The following PRKG1 variants were observed in gnomAD, a reference collection of about 807,000 sequenced individuals.
PRKG1 encodes the protein protein kinase cGMP-dependent 1.
In PRKG1, 35 loss-of-function variants were observed where a neutral mutation model predicts 88.1. That is an observed-to-expected ratio of 0.40 (90% CI 0.30 to 0.53). The LOEUF is 0.53. Ranked by LOEUF, PRKG1 falls within the 20% of genes least tolerant of loss-of-function variation. The pLI is 0.59. For synonymous variants in PRKG1, 303 were observed against 292.5 expected (o/e 1.04, Z -0.37); for missense variants, 540 against 839.8 (o/e 0.64, Z 4.41).
At chr10:51,427,877 A>G (rs1838637160) in intron 2 of PRKG1, among the ~76,000 whole-genome samples, 1 of 152,208 alleles carries the variant, frequency 6.6e-6, no homozygotes, top group East Asian at 1.9e-4. Flanking sequence ...GAAGAATATC[A>G]TAAACACCAG....
At chr10:51,766,905 C>T (rs1446375674) in intron 3 of PRKG1, among the ~76,000 whole-genome samples, 1 of 152,096 alleles carries the variant, frequency 6.6e-6, no homozygotes, top group East Asian at 1.9e-4. Context: ...GGACTGACAC[C>T]CTTTCTCTGC....
intron 7 of PRKG1, among the ~76,000 whole-genome samples, chr10:52,080,663 TC>T (rs1206606111): frequency 1.3e-5 from 2 of 152,194 alleles, no homozygotes; most frequent in Non-Finnish European, 2.9e-5. Flanking sequence ...TATTTTTTAA[TC>T]TTAAATTGCT....
At chr10:51,821,038 A>G (rs1839731226) in intron 4 of PRKG1, among the ~76,000 whole-genome samples, 2 of 152,286 alleles carry the variant, frequency 1.3e-5, no homozygotes, top group East Asian at 1.9e-4. Context: ...GGTAACCACT[A>G]TTCTGAGTTC....
chr10:51,022,988 G>A (rs1229016200), intron 1 of PRKG1, among the ~76,000 whole-genome samples: 2 of 152,114 alleles, frequency 1.3e-5, no homozygotes, highest in Non-Finnish European at 2.9e-5. Flanking sequence ...CAATAGCGAA[G>A]CTCCGTCTCA....
At chr10:51,946,606 C>A (rs1843041281) in intron 5 of PRKG1, among the ~76,000 whole-genome samples, 1 of 151,950 alleles carries the variant, frequency 6.6e-6, no homozygotes, top group Non-Finnish European at 1.5e-5. Flanking sequence ...TACTTTTGGT[C>A]TTTGATGATG....
At chr10:52,198,699 G>A (rs1448476124) in intron 9 of PRKG1, among the ~76,000 whole-genome samples, 1 of 152,032 alleles carries the variant, frequency 6.6e-6, no homozygotes, top group Non-Finnish European at 1.5e-5. Flanking sequence ...TGTAGGTTCT[G>A]GAGGAGAATC....
chr10:51,844,863 A>G (rs892164215), intron 4 of PRKG1, among the ~76,000 whole-genome samples: 2 of 152,182 alleles, frequency 1.3e-5, no homozygotes, highest in African/African-American at 4.8e-5. Flanking sequence ...ATGCTGAGAA[A>G]GTTGCCTTGC....
chr10:51,156,106 T>C (rs1228333720), intron 2 of PRKG1, among the ~76,000 whole-genome samples: 1 of 151,908 alleles, frequency 6.6e-6, no homozygotes, highest in Non-Finnish European at 1.5e-5. Context: ...CAGCTGCAAA[T>C]TTACTAACCC....
At chr10:51,649,832 G>C (rs1839997141) in intron 3 of PRKG1, among the ~76,000 whole-genome samples, 2 of 152,168 alleles carry the variant, frequency 1.3e-5, no homozygotes, top group South Asian at 4.1e-4. Context: ...TAACTGAAGT[G>C]GTAGCCCGCA....
At chr10:51,889,462 A>T (rs541755324) in intron 4 of PRKG1, among the ~76,000 whole-genome samples, 1 of 152,064 alleles carries the variant, frequency 6.6e-6, no homozygotes, top group Admixed American at 6.5e-5. Flanking sequence ...TCTATCATTG[A>T]TGGACATTTG....
In PRKG1 at chr10:51,343,984, TCTGGAAGATAAA is replaced by T. The variant is rs1842058395; in HGVS notation, c.479-123735_479-123724del. ...TGTATGCTAGCAATACATTTTTATG[TCTGGAAGATAAA>T]CTGCTTTTACTTCTGAACATTTCTA... On this transcript the variant is annotated intron_variant, in intron 2 of 17. Coordinates refer to ENST00000373980, the MANE Select transcript of PRKG1 (RefSeq NM_006258.4). Among the ~76,000 whole-genome samples the T allele has an allele frequency of 5.9e-5, 9 of 152,354 alleles. No homozygotes were observed. In the South Asian group the frequency reaches 1.9e-3, roughly 32 times the overall value.
chr10:51,080,621 A>G (rs1235424431), intron 1 of PRKG1, among the ~76,000 whole-genome samples: 1 of 152,238 alleles, frequency 6.6e-6, no homozygotes, highest in Non-Finnish European at 1.5e-5. Flanking sequence ...AGAGAACGCA[A>G]GACAATGTGA....
chr10:51,950,963 G>T (rs954480972), intron 5 of PRKG1, among the ~76,000 whole-genome samples: 1 of 152,272 alleles, frequency 6.6e-6, no homozygotes, highest in Non-Finnish European at 1.5e-5. Flanking sequence ...AAGTCCCCCA[G>T]TGTAGCTGAG....
chr10:51,476,184 A>G (rs1588996013), intron 3 of PRKG1, among the ~76,000 whole-genome samples: 1 of 152,010 alleles, frequency 6.6e-6, no homozygotes, highest in Non-Finnish European at 1.5e-5. Context: ...TTGAGAAGGA[A>G]ATGGGAAGTT....
At chr10:51,628,992 C>CAAAAAA (rs1336992346) in intron 3 of PRKG1, among the ~76,000 whole-genome samples, 5 of 146,974 alleles carry the variant, frequency 3.4e-5, no homozygotes, top group East Asian at 2.0e-4. Flanking sequence ...AAAACAAAAA[C>CAAAAAA]CAAAAAAACT....
chr10:51,168,649 T>G (rs988549998), intron 2 of PRKG1, among the ~76,000 whole-genome samples: 4 of 152,156 alleles, frequency 2.6e-5, no homozygotes, highest in Admixed American at 6.5e-5. Flanking sequence ...CATGTGGTTG[T>G]TTGTTTCAGA....
intron 2 of PRKG1, among the ~76,000 whole-genome samples, chr10:51,428,779 G>C (rs780263762): frequency 5.3e-5 from 8 of 152,196 alleles, no homozygotes; most frequent in African/African-American, 1.2e-4. Context: ...TGCATTGTCA[G>C]ACACAATAGT....
intron 4 of PRKG1, among the ~76,000 whole-genome samples, chr10:51,827,072 C>A: frequency 6.6e-6 from 1 of 152,244 alleles, no homozygotes; most frequent in East Asian, 1.9e-4. Context: ...TGCTTATAAA[C>A]ATTAAGGGTA....
At chr10:52,125,789 T>C (rs991254711) in intron 7 of PRKG1, 2 of 152,204 alleles carry the variant, frequency 1.3e-5, no homozygotes, top group African/African-American at 2.4e-5. Context: ...GACCTTTTTT[T>C]CTTTCTTATC....
Sources: gnomAD v4.1 joint callset for allele counts (sites outside exome capture counted in the v4.1 genomes callset) on GRCh38, gnomAD v4.1.1 for gene constraint, MANE v1.5 for transcripts, NCBI Gene and HGNC (gene_info 2026-07-23, HGNC 2026-07-21) for gene names.